The following MGAT3 variants were observed in gnomAD, a reference collection of about 807,000 sequenced individuals.
MGAT3 encodes GlcNAc-T III.
Under a neutral mutation model 29.8 loss-of-function variants are expected in MGAT3, and 9 were observed. The ratio of observed to expected loss-of-function variants is 0.30; its 90% CI spans 0.18 to 0.53. The LOEUF is 0.53. Among genes scored for constraint, MGAT3 ranks in the 20% least tolerant of loss-of-function variants. The probability of loss-of-function intolerance (pLI) is 0.96; values close to 1 mark genes in which losing one functional copy is unlikely to be tolerated. For missense variants in MGAT3, 557 were observed against 769.5 expected, an observed-to-expected ratio of 0.72 and a Z score of 3.27; for synonymous variants, 397 against 348.9, an observed-to-expected ratio of 1.14 and a Z score of -1.54.
At chr22:39,476,738 A>T (rs1928977828) in intron 1 of MGAT3, 2 of 152,166 alleles carry the variant, frequency 1.3e-5, no homozygotes, top group African/African-American at 4.8e-5. Context: ...GTGGCTGAGC[A>T]AGTCACTTAA....
At position 39,489,022 on chromosome 22, in the gene MGAT3, T is replaced by G; in HGVS notation, c.*73T>G. The G allele has an allele frequency of 8.5e-7, 1 of 1,170,602 alleles. No homozygotes were observed. Among genetic ancestry groups the G allele is most frequent in the Non-Finnish European group, 1.1e-6 (1 of 897,108 alleles). The allele number at this position is 1,170,602 out of a possible 1,614,324, so 72.5% of individuals were successfully genotyped here. A position where few individuals can be genotyped will look rare whatever the true frequency, so the allele number is the denominator to read the frequency against. ...CCCCTAGCGCTATCTCCCTGCCTCCTGCCGGCTCCTTGGTTCTTGAGGGGA... is the reference window on the plus strand; with the variant it reads ...CCCCTAGCGCTATCTCCCTGCCTCCGGCCGGCTCCTTGGTTCTTGAGGGGA... On this transcript the variant is annotated 3_prime_UTR_variant, in exon 2 of 2. Coordinates refer to ENST00000341184, the MANE Select transcript of MGAT3 (RefSeq NM_002409.5).
intron 1 of MGAT3, among the ~76,000 whole-genome samples, chr22:39,466,754 T>A (rs770639067): frequency 6.6e-6 from 1 of 152,238 alleles, no homozygotes; most frequent in Non-Finnish European, 1.5e-5. Flanking sequence ...TTGGCTGATG[T>A]TGTTACTGAC....
chr22:39,469,695 G>A (rs1928753730), intron 1 of MGAT3, among the ~76,000 whole-genome samples: 1 of 152,244 alleles, frequency 6.6e-6, no homozygotes, highest in Non-Finnish European at 1.5e-5. Context: ...ATGGGGAAGG[G>A]CGGGGAGCAC....
rs1339904456 is a variant in MGAT3, at chr22:39,488,517, C to A, written c.1170C>A (p.Pro390=). ...RLRRRQYYTM[P]NFRQYENRTG... Reference sequence around the variant, plus strand: ...GCCGCCGCCAGTACTACACCATGCCCAACTTCAGACAGTATGAGAACCGCA... The same window carrying A: ...GCCGCCGCCAGTACTACACCATGCCAAACTTCAGACAGTATGAGAACCGCA... The change falls in exon 2 of 2, where the codon CCC becomes CCA. Residue 390 remains proline, a synonymous_variant. Transcript: ENST00000341184. 2 of 1,613,274 alleles carry A rather than the reference C, an allele frequency of 1.2e-6. No homozygotes were observed. Among genetic ancestry groups the A allele is most frequent in the Non-Finnish European group, 1.7e-6 (2 of 1,180,018 alleles).
rs766239135 is a variant in MGAT3, at chr22:39,488,880, C to T, written c.1533C>T (p.Gly511=). Residue 511 remains glycine (G), a synonymous_variant, in exon 2 of 2, where the codon GGC becomes GGT. Transcript: ENST00000341184. ...PYQEPRSTAA[G]GWRHRGPEGR... Reference sequence around the variant, plus strand: ...AGGAGCCCAGGAGCACGGCGGCGGGCGGGTGGCGCCACAGGGGTCCCGAGG... The same window carrying T: ...AGGAGCCCAGGAGCACGGCGGCGGGTGGGTGGCGCCACAGGGGTCCCGAGG... 1.3e-6 allele frequency: 2 copies of T among 1,598,194 alleles called. No homozygotes were observed. The highest frequency in any genetic ancestry group is 1.3e-5 in the African/African-American group (1 of 74,642).
chr22:39,484,933 A>T (rs760354136), intron 1 of MGAT3, among the ~76,000 whole-genome samples: 3 of 152,058 alleles, frequency 2.0e-5, no homozygotes, highest in Non-Finnish European at 1.5e-5. Flanking sequence ...AACCTGGTAG[A>T]TGGAAGTTGC....
At position 39,492,111 on chromosome 22, in the gene MGAT3, A is replaced by T. The variant is rs1248143878; in HGVS notation, c.*3162A>T. ...TACATTCTGAAATCATTTTCTCTGT[A>T]AATGGTTGGATTTCATTTCACCCTT... On this transcript the variant is annotated 3_prime_UTR_variant, in exon 2 of 2. Transcript: ENST00000341184. 6.0e-6 allele frequency: 1 copy of T among 167,202 alleles called. No homozygotes were observed. Among genetic ancestry groups the T allele is most frequent in the Non-Finnish European group, 1.5e-5 (1 of 68,106 alleles). The allele number at this position is 167,202 out of a possible 1,614,324, so 10.4% of individuals were successfully genotyped here.
At chr22:39,471,818 A>G (rs936276618) in intron 1 of MGAT3, among the ~76,000 whole-genome samples, 1 of 151,580 alleles carries the variant, frequency 6.6e-6, no homozygotes, top group African/African-American at 2.4e-5. Flanking sequence ...ATGCTATTGC[A>G]CTGTTCTCTG....
At chr22:39,473,269 G>A (rs1282034279) in intron 1 of MGAT3, among the ~76,000 whole-genome samples, 2 of 152,208 alleles carry the variant, frequency 1.3e-5, no homozygotes, top group African/African-American at 4.8e-5. Flanking sequence ...TGGAGGCTGG[G>A]AAGTCCAGGG....
chr22:39,487,513 G>C lies in MGAT3; in HGVS notation c.166G>C (p.Val56Leu), dbSNP rs760925332. 6.2e-7 allele frequency: 1 copy of C among 1,612,816 alleles called. No individual in the cohort carries two copies. Residue 56 changes from valine to leucine, a missense_variant, in exon 2 of 2, where the codon GTC (valine) becomes CTC (leucine). Val to Leu is a conservative substitution (Grantham distance 32, BLOSUM62 1). Around this residue, in one of 3 missense-constraint regions of MGAT3, gnomAD observed 212 missense variants for 228.5 expected, o/e 0.93. Transcript: ENST00000341184. The surrounding 1 kb of genome is among the most constrained non-coding windows in gnomAD (Gnocchi z 5.7). ...CAGCTTTTTCTGGAACAATGCCCCG[G>C]TCACGCCCCAGGCCAGCCCCGAGCC... ...VSSFFWNNAP[V>L]TPQASPEPGG...
Position 39,489,324 on chromosome 22 carries a change from C to A in MGAT3, c.*375C>A. 1 of 264,388 alleles carries A rather than the reference C, an allele frequency of 3.8e-6. No individual in the cohort carries two copies. The highest frequency in any genetic ancestry group is 5.0e-5 in the Admixed American group (1 of 20,118). The allele number at this position is 264,388 out of a possible 1,614,324, so 16.4% of individuals were successfully genotyped here. ...GGCAGCCTCTGGGGGGTGGCCAGGC[C>A]GGGAAAAAGCCCACCATTTGGCATC... On this transcript the variant is annotated 3_prime_UTR_variant, in exon 2 of 2. Transcript: ENST00000341184.
At chr22:39,464,073 C>A (rs892908804) in intron 1 of MGAT3, among the ~76,000 whole-genome samples, 1 of 151,862 alleles carries the variant, frequency 6.6e-6, no homozygotes, top group Non-Finnish European at 1.5e-5. Context: ...CGCCTGTGTT[C>A]GTAGCCTGGG....
chr22:39,460,518 C>T (rs1337390696), intron 1 of MGAT3, among the ~76,000 whole-genome samples: 3 of 152,092 alleles, frequency 2.0e-5, no homozygotes, highest in South Asian at 2.1e-4. Context: ...GGCGCTGAGG[C>T]GAGGCGTGGT....
chr22:39,487,151 TC>T lies in MGAT3; in HGVS notation c.-1-194del, dbSNP rs1929297521. ...GAAGGGCTATGGGAGCACGGCGGTG[TC>T]CTCAGTGCTGGGGCTTTCAGGGGCC... On this transcript the variant is annotated intron_variant, in intron 1 of 1. Transcript: ENST00000341184. The surrounding 1 kb of genome is among the most constrained non-coding windows in gnomAD (Gnocchi z 5.7). Among the ~76,000 whole-genome samples the T allele has an allele frequency of 6.6e-6, 1 of 151,990 alleles. No individual in the cohort carries two copies. The highest frequency in any genetic ancestry group is 2.4e-5 in the African/African-American group (1 of 41,374).
At position 39,457,295 on chromosome 22, in the gene MGAT3, CCCG is replaced by C; in HGVS notation, c.-255_-253del. Reference sequence around the variant, plus strand: ...CCCGCGCCCGTCCGCTCGCCGGGCCCCCGCCGCCGCCCCGGGGTGCAGCCGAGC... The same window carrying C: ...CCCGCGCCCGTCCGCTCGCCGGGCCCCCGCCGCCCCGGGGTGCAGCCGAGC... On this transcript the variant is annotated 5_prime_UTR_variant, in exon 1 of 2. Coordinates refer to ENST00000341184, the MANE Select transcript of MGAT3 (RefSeq NM_002409.5). This position sits in a 1 kb window ranked among gnomAD's most constrained non-coding sequence, Gnocchi z 6.8. 1 of 145,074 alleles carries C rather than the reference CCCG, an allele frequency of 6.9e-6. No homozygotes were observed. Among genetic ancestry groups the C allele is most frequent in the South Asian group, 1.9e-4 (1 of 5,310 alleles). 9.0% of individuals were successfully genotyped at this position (145,074 alleles called of 1,614,324 possible).
chr22:39,464,912 G>A (rs1928597252), intron 1 of MGAT3, among the ~76,000 whole-genome samples: 1 of 151,020 alleles, frequency 6.6e-6, no homozygotes, highest in African/African-American at 2.4e-5. Flanking sequence ...CACCACACCT[G>A]GCTAATTTTT....
intron 1 of MGAT3, among the ~76,000 whole-genome samples, chr22:39,464,899 T>C (rs1004917627): frequency 1.3e-5 from 2 of 151,328 alleles, no homozygotes; most frequent in East Asian, 3.9e-4. Context: ...TACAGGCGCC[T>C]GCCACCACAC....
intron 1 of MGAT3, among the ~76,000 whole-genome samples, chr22:39,484,120 A>G (rs1929204065): frequency 6.6e-6 from 1 of 152,192 alleles, no homozygotes; most frequent in African/African-American, 2.4e-5. Context: ...GAAGGCCCCT[A>G]GGTCCTGGTT....
chr22:39,471,470 TTAA>T (rs1431460727), intron 1 of MGAT3, among the ~76,000 whole-genome samples: 2 of 152,118 alleles, frequency 1.3e-5, no homozygotes, highest in African/African-American at 4.8e-5. Context: ...ATCTGCCCAA[TTAA>T]TAATTACAGG....
Sources: allele counts gnomAD v4.1 joint callset (sites outside exome capture counted in the v4.1 genomes callset), GRCh38; gene constraint gnomAD v4.1.1; regional missense constraint gnomAD v4.1.1; non-coding constraint Gnocchi (gnomAD v3.1); transcripts MANE v1.5; gene names NCBI Gene and HGNC (gene_info 2026-07-23, HGNC 2026-07-21).